HCN1: variants seen among roughly 807,000 people sequenced by gnomAD.
The protein encoded by HCN1 is hyperpolarization activated cyclic nucleotide gated potassium channel 1, also known as potassium/sodium hyperpolarization-activated cyclic nucleotide-gated channel 1.
A neutral mutation model predicts 78.9 loss-of-function variants in HCN1; 13 were observed. The ratio of observed to expected loss-of-function variants is 0.16; its 90% CI spans 0.11 to 0.26. HCN1 has a LOEUF of 0.26. Ranked by LOEUF, HCN1 falls within the 10% of genes least tolerant of loss-of-function variation. The probability of loss-of-function intolerance (pLI) is 1.00; values close to 1 mark genes in which losing one functional copy is unlikely to be tolerated. For synonymous variants in HCN1, 552 were observed against 455.5 expected (o/e 1.21, Z -2.70); for missense variants, 810 against 1,154.3 (o/e 0.70, Z 4.32).
intron 2 of HCN1, among the ~76,000 whole-genome samples, chr5:45,520,077 C>G (rs760578106): frequency 2.4e-4 from 36 of 151,954 alleles, no homozygotes; most frequent in Non-Finnish European, 5.0e-4. Flanking sequence ...GGGCATTAAT[C>G]ACTATATTAT....
At chr5:45,350,396 T>A (rs977983483) in intron 5 of HCN1, among the ~76,000 whole-genome samples, 2 of 152,158 alleles carry the variant, frequency 1.3e-5, no homozygotes, top group Non-Finnish European at 2.9e-5. Context: ...GAGCTATCTA[T>A]GACAAACCCA....
At chr5:45,446,751 G>T (rs930648789) in intron 3 of HCN1, among the ~76,000 whole-genome samples, 8 of 152,054 alleles carry the variant, frequency 5.3e-5, no homozygotes, top group East Asian at 1.9e-4. Context: ...TTAAAGAAAA[G>T]AATTTTCAAC....
At chr5:45,504,498 G>T (rs1023439628) in intron 2 of HCN1, among the ~76,000 whole-genome samples, 2 of 152,180 alleles carry the variant, frequency 1.3e-5, no homozygotes, top group Middle Eastern at 3.4e-3. Context: ...CCAGTCTATT[G>T]TTGATGGACA....
At chr5:45,413,916 G>T (rs1740069733) in intron 3 of HCN1, among the ~76,000 whole-genome samples, 1 of 151,804 alleles carries the variant, frequency 6.6e-6, no homozygotes, top group Non-Finnish European at 1.5e-5. Flanking sequence ...ATATCTCTAT[G>T]AATGTACAAT....
intron 2 of HCN1, among the ~76,000 whole-genome samples, chr5:45,531,193 G>GAAT (rs972658530): frequency 5.9e-5 from 9 of 152,080 alleles, no homozygotes; most frequent in African/African-American, 2.2e-4. Context: ...CAGTGAAACT[G>GAAT]AATAATCCCT....
chr5:45,581,355 T>G (rs1744068918), intron 2 of HCN1, among the ~76,000 whole-genome samples: 1 of 152,220 alleles, frequency 6.6e-6, no homozygotes, highest in Non-Finnish European at 1.5e-5. Flanking sequence ...TCACCCACTT[T>G]TTGATGGGGT....
chr5:45,423,187 A>C (rs1413637292), intron 3 of HCN1, among the ~76,000 whole-genome samples: 3 of 152,186 alleles, frequency 2.0e-5, no homozygotes, highest in Non-Finnish European at 4.4e-5. Flanking sequence ...TGTACCCATA[A>C]AATTTTAAAA....
intron 4 of HCN1, among the ~76,000 whole-genome samples, chr5:45,376,871 T>C (rs1463391247): frequency 1.3e-5 from 2 of 151,986 alleles, no homozygotes; most frequent in African/African-American, 4.8e-5. Flanking sequence ...TCTGACATTA[T>C]GATTTCTTAG....
rs138927837 is a variant in HCN1 at position 45,299,866 on chromosome 5, A to G, written c.1618+3733T>C. 3.9e-4 allele frequency among the ~76,000 whole-genome samples: 60 copies of G among 152,158 alleles called. No homozygotes were observed. The East Asian group carries it at 8.0e-3, about 20-fold the overall frequency. On this transcript the variant is annotated intron_variant, in intron 6 of 7. Transcript: ENST00000303230. ...TCTAGGGGATCACAAAAATGACTCCAATAACAACAACATTATAGACCAATC... is the reference window on the plus strand; with the variant it reads ...TCTAGGGGATCACAAAAATGACTCCGATAACAACAACATTATAGACCAATC...
rs965655587 is a variant in HCN1, at chr5:45,334,326, T to A, written c.1377+18774A>T. The stretch of plus-strand genomic sequence containing the variant: ...CCTGTGTTCTTTACATCTTGTATCC[T>A]CTTTGTCTACTGAAATTCCACATGT... On this transcript the variant is annotated intron_variant, in intron 5 of 7. Transcript: ENST00000303230. Among the ~76,000 whole-genome samples the A allele has an allele frequency of 4.0e-5, 6 of 151,856 alleles. No individual in the cohort carries two copies. In the East Asian group the frequency reaches 1.2e-3, roughly 29 times the overall value.
At chr5:45,570,534 G>T (rs1373152702) in intron 2 of HCN1, among the ~76,000 whole-genome samples, 1 of 152,044 alleles carries the variant, frequency 6.6e-6, no homozygotes, top group Non-Finnish European at 1.5e-5. Context: ...TTGCTTTCCT[G>T]GTTTACACAG....
intron 6 of HCN1, among the ~76,000 whole-genome samples, chr5:45,294,238 C>T (rs1018385836): frequency 6.6e-6 from 1 of 151,850 alleles, no homozygotes; most frequent in Non-Finnish European, 1.5e-5. Flanking sequence ...GTGGTTTTTT[C>T]GAATCGGTGT....
chr5:45,408,181 T>A (rs536146826), intron 3 of HCN1, among the ~76,000 whole-genome samples: 1 of 151,944 alleles, frequency 6.6e-6, no homozygotes, highest in Non-Finnish European at 1.5e-5. Context: ...TTAAAGAAAA[T>A]CTTAAAAATA....
intron 7 of HCN1, 122 bp from the exon 8 acceptor site, chr5:45,262,932 A>G: frequency 9.8e-7 from 1 of 1,025,004 alleles, no homozygotes; most frequent in Non-Finnish European, 1.5e-6. Context: ...TTAAAAAGCC[A>G]GTCACTCACC....
intron 2 of HCN1, among the ~76,000 whole-genome samples, chr5:45,528,591 A>G (rs536317065): frequency 7.9e-5 from 12 of 152,018 alleles, no homozygotes; most frequent in Non-Finnish European, 1.2e-4. Flanking sequence ...GAGATGAAGT[A>G]ACCTTCCAAA....
chr5:45,521,087 C>T (rs1304886342), intron 2 of HCN1, among the ~76,000 whole-genome samples: 1 of 151,552 alleles, frequency 6.6e-6, no homozygotes, highest in Admixed American at 6.6e-5. Flanking sequence ...CTTGTACCAT[C>T]TGGGAGCCCT....
chr5:45,567,117 A>G (rs180996851), intron 2 of HCN1, among the ~76,000 whole-genome samples: 541 of 152,298 alleles, frequency 3.6e-3, no homozygotes, highest in Non-Finnish European at 5.2e-3. Context: ...ATAATATACA[A>G]AAGAAGTAAG....
intron 2 of HCN1, among the ~76,000 whole-genome samples, chr5:45,601,590 T>A (rs772215938): frequency 2.6e-5 from 4 of 152,140 alleles, no homozygotes; most frequent in Non-Finnish European, 5.9e-5. Context: ...AAGCACATGA[T>A]CTTTTGTACA....
At position 45,417,751 on chromosome 5, in the gene HCN1, C is replaced by CAAA. The variant is rs1212611466; in HGVS notation, c.1012-21044_1012-21042dup. The stretch of plus-strand genomic sequence containing the variant: ...CCAGGGTCTCATTAGTGTAGAGAGA[C>CAAA]AAAAAAAAAAAAAAAAAAAAAAAAA... On this transcript the variant is annotated intron_variant, in intron 3 of 7. Coordinates refer to ENST00000303230, the MANE Select transcript of HCN1 (RefSeq NM_021072.4). Among the ~76,000 whole-genome samples the CAAA allele has an allele frequency of 3.5e-3, 52 of 14,804 alleles. 1 individual carries two copies. The highest frequency in any genetic ancestry group is 0.012 in the South Asian group (5 of 424). 9.7% of individuals were successfully genotyped at this position (14,804 alleles called of 152,430 possible). A position where few individuals can be genotyped will look rare whatever the true frequency, so the allele number is the denominator to read the frequency against.
Sources: gnomAD v4.1 joint callset for allele counts (sites outside exome capture counted in the v4.1 genomes callset) on GRCh38, gnomAD v4.1.1 for gene constraint, MANE v1.5 for transcripts, NCBI Gene and HGNC (gene_info 2026-07-23, HGNC 2026-07-21) for gene names.